The following GABRA1 variants were observed in gnomAD, a reference collection of about 807,000 sequenced individuals.
GABRA1 encodes the protein gamma-aminobutyric acid receptor subunit alpha-1.
In GABRA1, 9 loss-of-function variants were observed where a neutral mutation model predicts 48.9. The ratio of observed to expected loss-of-function variants is 0.18; its 90% CI spans 0.11 to 0.32. GABRA1 has a LOEUF of 0.32. Ranked by LOEUF, GABRA1 falls within the 10% of genes least tolerant of loss-of-function variation. GABRA1 has a pLI of 1.00. For missense variants in GABRA1, 285 were observed against 553.8 expected (o/e 0.51, Z 4.87); for synonymous variants, 210 against 198.7 (o/e 1.06, Z -0.48).
At chr5:161,885,315 C>A (rs1373097441) in intron 7 of GABRA1, among the ~76,000 whole-genome samples, 1 of 152,122 alleles carries the variant, frequency 6.6e-6, no homozygotes, top group Non-Finnish European at 1.5e-5. Context: ...TTTTACATCT[C>A]TTTGTGGAGC....
At chr5:161,891,148 T>C (rs1048250866) in intron 8 of GABRA1, 98 bp downstream of exon 8, 8 of 1,123,984 alleles carry the variant, frequency 7.1e-6, no homozygotes, top group Non-Finnish European at 1.1e-5. Flanking sequence ...AAATATACAC[T>C]CAAATATTAA....
Position 161,897,671 on chromosome 5 carries a change from A to C in GABRA1, c.*249A>C. On this transcript the variant is annotated 3_prime_UTR_variant, in exon 10 of 10. Coordinates refer to ENST00000393943, the MANE Select transcript of GABRA1 (RefSeq NM_001127644.2). ...AGTCATGTCAGAAGGAGACAGAATG[A>C]GAGAGAAAAGAGGGGGAAGATGGTT... 2.1e-6 allele frequency: 1 copy of C among 470,982 alleles called. No individual in the cohort carries two copies. Among genetic ancestry groups the C allele is most frequent in the Non-Finnish European group, 3.8e-6 (1 of 266,546 alleles). 29.2% of individuals were successfully genotyped at this position (470,982 alleles called of 1,614,324 possible). A position where few individuals can be genotyped will look rare whatever the true frequency, so the allele number is the denominator to read the frequency against.
intron 6 of GABRA1, 76 bp from the exon 7 acceptor site, chr5:161,882,482 C>A: frequency 1.5e-6 from 2 of 1,337,540 alleles, no homozygotes; most frequent in Non-Finnish European, 2.1e-6. Context: ...AAATATGAAG[C>A]TGATGAAAGG....
At chr5:161,863,743 T>C (rs1757946907) in intron 3 of GABRA1, among the ~76,000 whole-genome samples, 1 of 151,798 alleles carries the variant, frequency 6.6e-6, no homozygotes, top group African/African-American at 2.4e-5. Flanking sequence ...TAAACTTATA[T>C]TTTGAAGCTT....
rs878976122 is a variant in GABRA1 at position 161,848,826 on chromosome 5, C to G, written c.-16+404C>G. ...GCTGGGGTGAGTTGGGGAGGGGCGT[C>G]GGGGGCCATCATCTAAAGTTAAGAC... On this transcript the variant is annotated intron_variant, in intron 1 of 9. Transcript: ENST00000393943. 161 of 337,776 alleles carry G rather than the reference C, an allele frequency of 4.8e-4. 1 individual carries two copies. The East Asian group carries it at 7.5e-3, about 16-fold the overall frequency. 20.9% of individuals were successfully genotyped at this position (337,776 alleles called of 1,614,324 possible).
At chr5:161,869,078 T>C (rs1753997839) in intron 4 of GABRA1, among the ~76,000 whole-genome samples, 1 of 151,884 alleles carries the variant, frequency 6.6e-6, no homozygotes. Flanking sequence ...AGATTAATCA[T>C]TTAAATTACA....
intron 3 of GABRA1, among the ~76,000 whole-genome samples, 177 bp downstream of exon 3, chr5:161,854,447 T>C (rs1757568911): frequency 6.6e-6 from 1 of 151,750 alleles, no homozygotes; most frequent in South Asian, 2.1e-4. Flanking sequence ...TTCATATCCA[T>C]ACGTAGTAAA....
intron 8 of GABRA1, among the ~76,000 whole-genome samples, chr5:161,894,587 G>T (rs1211389121): frequency 1.3e-5 from 2 of 152,176 alleles, no homozygotes; most frequent in Non-Finnish European, 2.9e-5. Context: ...ATTGAGACTA[G>T]TCACTGGAAG....
chr5:161,870,786 A>T (rs1754079399), intron 4 of GABRA1, among the ~76,000 whole-genome samples: 1 of 152,182 alleles, frequency 6.6e-6, no homozygotes, highest in Admixed American at 6.6e-5. Flanking sequence ...TGCTGCTACC[A>T]CAGCAATCAC....
intron 2 of GABRA1, among the ~76,000 whole-genome samples, chr5:161,851,806 C>T (rs1239438984): frequency 6.6e-6 from 1 of 152,096 alleles, no homozygotes; most frequent in Non-Finnish European, 1.5e-5. Flanking sequence ...GACAGACAGG[C>T]ATTATTATCA....
chr5:161,875,661 A>G lies in GABRA1; in HGVS notation c.559+19A>G, dbSNP rs1554085838. Reference sequence around the variant, plus strand: ...GGAAGTTGTGAGTAAATTTATATGGACTTTTCTTGATTGTAAGTCATTAAG... The same window carrying G: ...GGAAGTTGTGAGTAAATTTATATGGGCTTTTCTTGATTGTAAGTCATTAAG... On this transcript the variant is annotated intron_variant, in intron 6 of 9. Transcript: ENST00000393943. The G allele has an allele frequency of 6.4e-7, 1 of 1,551,186 alleles. No homozygotes were observed. Among genetic ancestry groups the G allele is most frequent in the Non-Finnish European group, 8.9e-7 (1 of 1,122,768 alleles).
At chr5:161,893,798 G>A (rs567878479) in intron 8 of GABRA1, among the ~76,000 whole-genome samples, 3 of 152,240 alleles carry the variant, frequency 2.0e-5, no homozygotes, top group African/African-American at 4.8e-5. Context: ...GTAAAGTAAT[G>A]CTGTTTTTTA....
intron 8 of GABRA1, among the ~76,000 whole-genome samples, chr5:161,894,841 T>C (rs1755286886): frequency 6.6e-6 from 1 of 152,056 alleles, no homozygotes; most frequent in Non-Finnish European, 1.5e-5. Flanking sequence ...GAAAACTTCT[T>C]TTGAATAGAG....
chr5:161,858,429 T>A (rs1757732348), intron 3 of GABRA1, among the ~76,000 whole-genome samples: 1 of 151,706 alleles, frequency 6.6e-6, no homozygotes, highest in South Asian at 2.1e-4. Context: ...CAGGCTTTTA[T>A]GGATACTTAA....
At chr5:161,876,159 A>ATG (rs1467172227) in intron 6 of GABRA1, among the ~76,000 whole-genome samples, 1 of 150,598 alleles carries the variant, frequency 6.6e-6, no homozygotes, top group East Asian at 2.0e-4. Flanking sequence ...ATTAGCTGAT[A>ATG]TGTGTGTGTA....
Position 161,849,481 on chromosome 5 carries a change from C to A in GABRA1, c.-16+1059C>A, listed in dbSNP as rs190796386. Among the ~76,000 whole-genome samples, 4 of 152,224 alleles carry A rather than the reference C, an allele frequency of 2.6e-5. No homozygotes were observed. The East Asian group carries it at 7.7e-4, about 29-fold the overall frequency. On this transcript the variant is annotated intron_variant, in intron 1 of 9. Transcript: ENST00000393943. ...TTACTAAATTAAGGAAAAGCTATGACGAGGCTCAGAGTTCTTATCTCTAGA... is the reference window on the plus strand; with the variant it reads ...TTACTAAATTAAGGAAAAGCTATGAAGAGGCTCAGAGTTCTTATCTCTAGA...
At chr5:161,872,970 A>G in intron 4 of GABRA1, 147 bp from the exon 5 acceptor site, 2 of 700,448 alleles carry the variant, frequency 2.9e-6, no homozygotes, top group Non-Finnish European at 5.2e-6. Context: ...ATCAACATGT[A>G]CATGCTATCA....
At chr5:161,865,963 TC>T (rs1429067792) in intron 4 of GABRA1, among the ~76,000 whole-genome samples, 175 bp downstream of exon 4, 28 of 152,128 alleles carry the variant, frequency 1.8e-4, no homozygotes, top group Non-Finnish European at 2.8e-4. Context: ...AGAAAAATAC[TC>T]ATTTGCATTC....
At chr5:161,884,164 T>C (rs190535644) in intron 7 of GABRA1, among the ~76,000 whole-genome samples, 9 of 152,306 alleles carry the variant, frequency 5.9e-5, no homozygotes, top group Admixed American at 3.3e-4. Flanking sequence ...GCTGTTGCTA[T>C]GGTCCTGAAA....
Sources: gnomAD v4.1 joint callset for allele counts (sites outside exome capture counted in the v4.1 genomes callset) on GRCh38, gnomAD v4.1.1 for gene constraint, MANE v1.5 for transcripts, NCBI Gene and HGNC (gene_info 2026-07-23, HGNC 2026-07-21) for gene names.